KCTD16: variants seen among roughly 807,000 people sequenced by gnomAD.
KCTD16 encodes the protein potassium channel tetramerization domain containing 16, also known as BTB/POZ domain-containing protein KCTD16.
Under a neutral mutation model 33.2 loss-of-function variants are expected in KCTD16, and 13 were observed. That is an observed-to-expected ratio of 0.39 (90% confidence interval 0.25 to 0.62). The LOEUF (loss-of-function observed/expected upper bound fraction) is 0.62, where lower values mean the gene tolerates loss of function less well. Ranked by LOEUF, KCTD16 falls within the 20% of genes least tolerant of loss-of-function variation. KCTD16 has a pLI of 0.50. For missense variants in KCTD16, 441 were observed against 525.1 expected (o/e 0.84, Z 1.57); for synonymous variants, 197 against 195.3 (o/e 1.01, Z -0.07).
chr5:144,328,876 T>TTTTTC (rs397783091), intron 3 of KCTD16, among the ~76,000 whole-genome samples: 1 of 151,864 alleles, frequency 6.6e-6, no homozygotes, highest in African/African-American at 2.4e-5. Flanking sequence ...TTTTTTTTTT[T>TTTTTC]ATCAGCATCT....
intron 3 of KCTD16, among the ~76,000 whole-genome samples, chr5:144,361,400 A>G (rs1406765984): frequency 6.6e-6 from 1 of 152,324 alleles, no homozygotes; most frequent in African/African-American, 2.4e-5. Flanking sequence ...CAAAAAGACC[A>G]TCTGTCTTAT....
chr5:144,294,045 G>C (rs1187591070), intron 3 of KCTD16, among the ~76,000 whole-genome samples: 2 of 152,084 alleles, frequency 1.3e-5, no homozygotes, highest in Non-Finnish European at 2.9e-5. Context: ...TGTAATCCCA[G>C]CTACTCAGGA....
chr5:144,314,249 G>A (rs928427219), intron 3 of KCTD16, among the ~76,000 whole-genome samples: 1 of 152,060 alleles, frequency 6.6e-6, no homozygotes, highest in African/African-American at 2.4e-5. Context: ...GAAGTACATT[G>A]TTCTTTTTTT....
intron 3 of KCTD16, among the ~76,000 whole-genome samples, chr5:144,348,956 T>C (rs1015627229): frequency 6.6e-6 from 1 of 152,084 alleles, no homozygotes; most frequent in Non-Finnish European, 1.5e-5. Flanking sequence ...AAAGAAATCC[T>C]GTGGGAAAGG....
chr5:144,431,675 G>C (rs1008218075), intron 3 of KCTD16, among the ~76,000 whole-genome samples: 1 of 152,116 alleles, frequency 6.6e-6, no homozygotes, highest in African/African-American at 2.4e-5. Context: ...TCTGATGCAG[G>C]TGGTTCCAGC....
At chr5:144,260,551 G>C (rs952466130) in intron 3 of KCTD16, among the ~76,000 whole-genome samples, 2 of 152,138 alleles carry the variant, frequency 1.3e-5, no homozygotes, top group African/African-American at 4.8e-5. Flanking sequence ...GGCACAGTAA[G>C]GCAAATAAAT....
chr5:144,415,277 A>G (rs1753022086), intron 3 of KCTD16, among the ~76,000 whole-genome samples: 1 of 152,146 alleles, frequency 6.6e-6, no homozygotes, highest in African/African-American at 2.4e-5. Flanking sequence ...ACCTCCCATT[A>G]GGCGCCATCT....
intron 3 of KCTD16, among the ~76,000 whole-genome samples, chr5:144,281,904 CTT>C (rs1272136335): frequency 6.6e-6 from 1 of 152,184 alleles, no homozygotes; most frequent in Non-Finnish European, 1.5e-5. Context: ...TTTTGTGCCT[CTT>C]TGGTGAATTT....
intron 3 of KCTD16, among the ~76,000 whole-genome samples, chr5:144,467,208 A>G (rs1334610658): frequency 6.6e-6 from 1 of 150,558 alleles, no homozygotes; most frequent in African/African-American, 2.4e-5. Flanking sequence ...TGTTTTTGTC[A>G]TATGTATATT....
At chr5:144,307,020 GT>G (rs1379291855) in intron 3 of KCTD16, among the ~76,000 whole-genome samples, 1 of 152,148 alleles carries the variant, frequency 6.6e-6, no homozygotes, top group African/African-American at 2.4e-5. Flanking sequence ...TGAGGCCCTA[GT>G]TTTTTTGTTG....
At chr5:144,312,328 A>G (rs1400782581) in intron 3 of KCTD16, among the ~76,000 whole-genome samples, 2 of 152,086 alleles carry the variant, frequency 1.3e-5, no homozygotes, top group Non-Finnish European at 2.9e-5. Context: ...CTTGGCATTC[A>G]TCACTCTGAT....
intron 3 of KCTD16, chr5:144,439,426 C>T (rs764142076): frequency 7.0e-5 from 27 of 385,024 alleles, no homozygotes; most frequent in Non-Finnish European, 1.3e-4. Context: ...GAACCAGAGC[C>T]TCACATCTTA....
At chr5:144,423,174 G>T (rs1753248686) in intron 3 of KCTD16, among the ~76,000 whole-genome samples, 1 of 152,120 alleles carries the variant, frequency 6.6e-6, no homozygotes, top group Non-Finnish European at 1.5e-5. Flanking sequence ...CTAGAGTGAA[G>T]TGATTGAGGA....
intron 3 of KCTD16, among the ~76,000 whole-genome samples, chr5:144,252,440 C>T (rs1025764595): frequency 1.3e-5 from 2 of 152,012 alleles, no homozygotes; most frequent in African/African-American, 2.4e-5. Context: ...ACTTTTCTTT[C>T]GATGCAAACA....
At chr5:144,380,639 A>G (rs112860716) in intron 3 of KCTD16, among the ~76,000 whole-genome samples, 1 of 152,146 alleles carries the variant, frequency 6.6e-6, no homozygotes, top group African/African-American at 2.4e-5. Context: ...GTACAAAACC[A>G]GACACATAGA....
chr5:144,482,749 A>G lies in KCTD16; in HGVS notation c.*8635A>G, dbSNP rs1311352501. ...GTGTTTTGTGTTTATGTATAAAATT[A>G]TGTATATATATGTACATATGTGTGT... On this transcript the variant is annotated 3_prime_UTR_variant, in exon 4 of 4. Coordinates refer to ENST00000512467, the MANE Select transcript of KCTD16 (RefSeq NM_020768.4). The G allele has an allele frequency of 6.6e-6, 1 of 151,764 alleles. No homozygotes were observed. The highest frequency in any genetic ancestry group is 1.5e-5 in the Non-Finnish European group (1 of 67,862). The allele number at this position is 151,764 out of a possible 1,614,324, so 9.4% of individuals were successfully genotyped here. A position where few individuals can be genotyped will look rare whatever the true frequency, so the allele number is the denominator to read the frequency against.
chr5:144,331,169 T>C (rs1752348931), intron 3 of KCTD16, among the ~76,000 whole-genome samples: 2 of 152,300 alleles, frequency 1.3e-5, no homozygotes, highest in South Asian at 4.1e-4. Context: ...TCGCCAAAAG[T>C]TTAGTGAGTC....
At chr5:144,211,418 T>C (rs1753389231) in intron 3 of KCTD16, among the ~76,000 whole-genome samples, 2 of 152,190 alleles carry the variant, frequency 1.3e-5, no homozygotes, top group South Asian at 2.1e-4. Context: ...TGATTCAAAA[T>C]CCAGGACTTC....
intron 3 of KCTD16, among the ~76,000 whole-genome samples, chr5:144,439,897 A>C (rs1292650434): frequency 6.6e-6 from 1 of 152,104 alleles, no homozygotes; most frequent in African/African-American, 2.4e-5. Flanking sequence ...CATATTATTC[A>C]AGAAGTCTGT....
Sources: allele counts gnomAD v4.1 joint callset (sites outside exome capture counted in the v4.1 genomes callset), GRCh38; gene constraint gnomAD v4.1.1; transcripts MANE v1.5; gene names NCBI Gene and HGNC (gene_info 2026-07-23, HGNC 2026-07-21).